The following PPP2R1A variants were observed in gnomAD, a reference collection of about 807,000 sequenced individuals.
PPP2R1A encodes the protein serine/threonine-protein phosphatase 2A 65 kDa regulatory subunit A alpha isoform.
Under a neutral mutation model 67.1 loss-of-function variants are expected in PPP2R1A, and 15 were observed. That is an observed-to-expected ratio of 0.22 (90% CI 0.15 to 0.34). PPP2R1A has a LOEUF of 0.34. PPP2R1A is among the 10% of genes least tolerant of loss of function. The probability of loss-of-function intolerance (pLI) is 1.00; values close to 1 mark genes in which losing one functional copy is unlikely to be tolerated. For synonymous variants in PPP2R1A, 337 were observed against 325.0 expected (o/e 1.04, Z -0.40); for missense variants, 369 against 775.0 (o/e 0.48, Z 6.22).
chr19:52,190,269 G>A, intron 1 of PPP2R1A, 95 bp downstream of exon 1: 1 of 1,376,456 alleles, frequency 7.3e-7, no homozygotes, highest in Non-Finnish European at 1.0e-6. Context: ...GCTGGGAGTG[G>A]CGGAAGGGGG....
chr19:52,221,570 A>C (rs1472617933), intron 12 of PPP2R1A, among the ~76,000 whole-genome samples: 1 of 152,124 alleles, frequency 6.6e-6, no homozygotes, highest in Non-Finnish European at 1.5e-5. Context: ...TCTCATTTGT[A>C]AATAATTCAT....
At chr19:52,225,191 G>A (rs1319256951) in intron 13 of PPP2R1A, among the ~76,000 whole-genome samples, 2 of 151,010 alleles carry the variant, frequency 1.3e-5, no homozygotes, top group Non-Finnish European at 2.9e-5. Flanking sequence ...CTAATTTTGT[G>A]TTTTTAGTAG....
rs1332004016 is a variant in PPP2R1A, at chr19:52,211,670, G to A, written c.503+178G>A. 1.4e-5 allele frequency: 9 copies of A among 651,468 alleles called. No homozygotes were observed. Among genetic ancestry groups the A allele is most frequent in the African/African-American group, 3.7e-5 (2 of 54,778 alleles). The allele number at this position is 651,468 out of a possible 1,614,324, so 40.4% of individuals were successfully genotyped here. A position where few individuals can be genotyped will look rare whatever the true frequency, so the allele number is the denominator to read the frequency against. ...AGAGTTGGTCTCTGGACACGGCCAC[G>A]TGTCAGTTTACCCACCTCTGCCCCC... On this transcript the variant is annotated intron_variant, in intron 4 of 14. Coordinates refer to ENST00000322088, the MANE Select transcript of PPP2R1A (RefSeq NM_014225.6). This position sits in a 1 kb window ranked among gnomAD's most constrained non-coding sequence, Gnocchi z 5.3.
intron 3 of PPP2R1A, among the ~76,000 whole-genome samples, chr19:52,210,641 A>G (rs2089658523): frequency 6.6e-6 from 1 of 151,726 alleles, no homozygotes; most frequent in African/African-American, 2.4e-5. Flanking sequence ...ACAGGTGCGC[A>G]CCACCACACC....
Position 52,212,632 on chromosome 19 carries a change from G to T in PPP2R1A, c.504-54G>T, listed in dbSNP as rs931679672. On this transcript the variant is annotated intron_variant, in intron 4 of 14. Transcript: ENST00000322088. This position sits in a 1 kb window ranked among gnomAD's most constrained non-coding sequence, Gnocchi z 4.1. The stretch of plus-strand genomic sequence containing the variant: ...CCACACAACTGCAGAGTCTGTGCTT[G>T]CTCCTCTCTGCCATACTGCCTGCTG... 2.9e-5 allele frequency: 46 copies of T among 1,591,708 alleles called. No homozygotes were observed. The highest frequency in any genetic ancestry group is 5.1e-5 in the Admixed American group (3 of 59,198).
At position 52,218,219 on chromosome 19, in the gene PPP2R1A, T is replaced by C. The variant is rs1413060298; in HGVS notation, c.1129-1472T>C. On this transcript the variant is annotated intron_variant, in intron 9 of 14. Coordinates refer to ENST00000322088, the MANE Select transcript of PPP2R1A (RefSeq NM_014225.6). The stretch of plus-strand genomic sequence containing the variant: ...GCTTCCCAAAAGCCTCAGTCTTTCT[T>C]CCCCATCCCCTTCTTTCTTTTTTAT... Among the ~76,000 whole-genome samples, 3 of 152,114 alleles carry C rather than the reference T, an allele frequency of 2.0e-5. No individual in the cohort carries two copies. The East Asian group carries it at 5.8e-4, about 29-fold the overall frequency.
Position 52,220,239 on chromosome 19 carries a change from T to C in PPP2R1A, c.1353T>C (p.Leu451=). Residue 451 remains leucine, a synonymous_variant, in exon 11 of 15, where the codon CTT becomes CTC. Transcript: ENST00000322088. ...TTAACTCCTTGTGCATGGCCTGGCTTGTGGATCATGGTGAGTACCTTCACA... is the reference window on the plus strand; with the variant it reads ...TTAACTCCTTGTGCATGGCCTGGCTCGTGGATCATGGTGAGTACCTTCACA... ...EKLNSLCMAW[L]VDHVYAIREA... is the part of the protein sequence containing the mutation. The C allele has an allele frequency of 1.9e-6, 3 of 1,613,898 alleles. No individual in the cohort carries two copies. The highest frequency in any genetic ancestry group is 2.5e-6 in the Non-Finnish European group (3 of 1,179,896).
chr19:52,211,172 A>T lies in PPP2R1A; in HGVS notation c.271-88A>T. On this transcript the variant is annotated intron_variant, in intron 3 of 14. Transcript: ENST00000322088. This position sits in a 1 kb window ranked among gnomAD's most constrained non-coding sequence, Gnocchi z 5.3. The stretch of plus-strand genomic sequence containing the variant: ...TAATAGGGAAGTTTTCTCTGAGGAG[A>T]TGAGCCCATGATGGGGTGCAGGATG... 4.0e-6 allele frequency: 5 copies of T among 1,264,000 alleles called. No homozygotes were observed. Among genetic ancestry groups the T allele is most frequent in the Non-Finnish European group, 4.4e-6 (4 of 902,944 alleles). The allele number at this position is 1,264,000 out of a possible 1,614,324, so 78.3% of individuals were successfully genotyped here.
At chr19:52,214,745 A>G (rs1039082237) in intron 6 of PPP2R1A, among the ~76,000 whole-genome samples, 3 of 145,768 alleles carry the variant, frequency 2.1e-5, no homozygotes, top group Admixed American at 6.8e-5. Context: ...TTTTTTTTTT[A>G]AGACAGAGTC....
chr19:52,225,778 G>A lies in PPP2R1A; in HGVS notation c.1723G>A (p.Val575Ile), dbSNP rs1158328586. 3 of 1,614,074 alleles carry A rather than the reference G, an allele frequency of 1.9e-6. No homozygotes were observed. Among genetic ancestry groups the A allele is most frequent in the Non-Finnish European group, 2.5e-6 (3 of 1,180,040 alleles). Reference protein sequence around the residue: ...EKLTQDQDVDVKYFAQEALTV... With the variant: ...EKLTQDQDVDIKYFAQEALTV... ...GCTGACCCAGGACCAGGATGTGGAC[G>A]TCAAATACTTTGCCCAGGAGGCTCT... Residue 575 changes from valine to isoleucine, a missense_variant, in exon 14 of 15, where the codon GTC becomes ATC. Val to Ile is a conservative substitution (Grantham distance 29, BLOSUM62 3). This residue lies in a region of PPP2R1A where 276 missense variants were observed against 508.4 expected (regional missense o/e 0.54). Transcript: ENST00000322088.
chr19:52,220,053 A>G, intron 10 of PPP2R1A, 136 bp from the exon 11 acceptor site: 1 of 1,224,872 alleles, frequency 8.2e-7, no homozygotes, highest in East Asian at 2.4e-5. Context: ...GAGAGGAGGG[A>G]AAGGAGCACC....
chr19:52,208,991 A>C (rs2089637350), intron 3 of PPP2R1A, among the ~76,000 whole-genome samples: 1 of 152,154 alleles, frequency 6.6e-6, no homozygotes, highest in South Asian at 2.1e-4. Context: ...CACTGTGCAA[A>C]GGCATCAATT....
At chr19:52,192,475 T>C (rs909584510) in intron 1 of PPP2R1A, among the ~76,000 whole-genome samples, 1 of 151,868 alleles carries the variant, frequency 6.6e-6, no homozygotes, top group Non-Finnish European at 1.5e-5. Flanking sequence ...GCCTGGCTGA[T>C]TTTTGTGTGT....
chr19:52,192,068 G>A (rs1325023759), intron 1 of PPP2R1A, among the ~76,000 whole-genome samples: 1 of 152,046 alleles, frequency 6.6e-6, no homozygotes, highest in Admixed American at 6.6e-5. Flanking sequence ...AGAGAGATGG[G>A]GTATATATAG....
At chr19:52,204,469 G>C (rs2089582583) in intron 2 of PPP2R1A, among the ~76,000 whole-genome samples, 1 of 152,172 alleles carries the variant, frequency 6.6e-6, no homozygotes, top group South Asian at 2.1e-4. Flanking sequence ...GGGTTGACAG[G>C]CTTGGCTCAG....
intron 1 of PPP2R1A, among the ~76,000 whole-genome samples, chr19:52,197,049 G>GC (rs1468753043): frequency 1.3e-5 from 2 of 152,182 alleles, no homozygotes; most frequent in African/African-American, 4.8e-5. Flanking sequence ...CAGCAGTATA[G>GC]CCCCATGCAG....
intron 6 of PPP2R1A, among the ~76,000 whole-genome samples, chr19:52,215,110 C>T (rs1281615868): frequency 6.6e-6 from 1 of 152,170 alleles, no homozygotes; most frequent in Admixed American, 6.6e-5. Flanking sequence ...GGCTGGAGTG[C>T]AGTGGCACAG....
intron 1 of PPP2R1A, chr19:52,191,405 G>A (rs112788807): frequency 6.6e-6 from 1 of 152,346 alleles, no homozygotes; most frequent in East Asian, 1.9e-4. Context: ...AATGGTGTCA[G>A]GCCTGTTGTA....
intron 1 of PPP2R1A, among the ~76,000 whole-genome samples, chr19:52,197,244 CAGG>C (rs751300520): frequency 1.3e-5 from 2 of 152,158 alleles, no homozygotes; most frequent in African/African-American, 2.4e-5. Flanking sequence ...CAGTGGAAAT[CAGG>C]AGTTGTGTTC....
Sources: allele counts gnomAD v4.1 joint callset (sites outside exome capture counted in the v4.1 genomes callset), GRCh38; gene constraint gnomAD v4.1.1; regional missense constraint gnomAD v4.1.1; non-coding constraint Gnocchi (gnomAD v3.1); transcripts MANE v1.5; gene names NCBI Gene and HGNC (gene_info 2026-07-23, HGNC 2026-07-21).